The following KLHL5 variants were observed in gnomAD, a reference collection of about 807,000 sequenced individuals.
KLHL5 encodes kelch like family member 5, also known as kelch-like protein 5.
KLHL5 carries 48 observed loss-of-function variants against 77.7 expected under a neutral mutation model. That is an observed-to-expected ratio of 0.62 (90% CI 0.49 to 0.79). The LOEUF is 0.79. KLHL5 is among the 30% of genes least tolerant of loss of function. The probability of loss-of-function intolerance (pLI) is 0.00; values close to 1 mark genes in which losing one functional copy is unlikely to be tolerated. For synonymous variants in KLHL5, 260 were observed against 297.0 expected (o/e 0.88, Z 1.28); for missense variants, 723 against 859.7 (o/e 0.84, Z 1.99).
chr4:39,077,355 G>A (rs112390026), intron 2 of KLHL5, among the ~76,000 whole-genome samples: 48 of 151,898 alleles, frequency 3.2e-4, no homozygotes, highest in South Asian at 4.2e-4. Context: ...CCAGCTACTC[G>A]GGAGGCTGAG....
chr4:39,072,127 G>A (rs889615244), intron 1 of KLHL5, among the ~76,000 whole-genome samples: 2 of 151,914 alleles, frequency 1.3e-5, no homozygotes, highest in East Asian at 3.9e-4. Context: ...TATAAAAAAT[G>A]ATGATGCCAG....
intron 5 of KLHL5, among the ~76,000 whole-genome samples, chr4:39,088,968 A>G (rs1720289835): frequency 6.6e-6 from 1 of 152,210 alleles, no homozygotes; most frequent in African/African-American, 2.4e-5. Flanking sequence ...TAGTTATGCC[A>G]AGGAGTTTGA....
At chr4:39,135,320 G>A in the KLHL5 span, 2 of 152,326 alleles carry the variant, frequency 1.3e-5, no homozygotes, top group Non-Finnish European at 2.9e-5. Flanking sequence ...GGAAATCCAC[G>A]GAGCTTGGGA....
At chr4:39,077,717 CAAA>C (rs1719208158) in intron 2 of KLHL5, among the ~76,000 whole-genome samples, 5 of 138,166 alleles carry the variant, frequency 3.6e-5, no homozygotes, top group Non-Finnish European at 6.3e-5. Context: ...AAACAAAAAA[CAAA>C]CAAACAAAAA....
At chr4:39,140,931 A>C in the KLHL5 span, among the ~76,000 whole-genome samples, 1 of 152,234 alleles carries the variant, frequency 6.6e-6, no homozygotes, top group Non-Finnish European at 1.5e-5. Flanking sequence ...AGATAAGAGA[A>C]AGTGAATGAA....
At chr4:39,092,891 G>T (rs79806180) in intron 5 of KLHL5, among the ~76,000 whole-genome samples, 1 of 152,116 alleles carries the variant, frequency 6.6e-6, no homozygotes, top group African/African-American at 2.4e-5. Flanking sequence ...AGGAACCCTC[G>T]TACAGTGCTG....
At chr4:39,087,482 T>A (rs1577693122) in intron 5 of KLHL5, among the ~76,000 whole-genome samples, 1 of 152,126 alleles carries the variant, frequency 6.6e-6, no homozygotes, top group Non-Finnish European at 1.5e-5. Context: ...CACAGCTGAG[T>A]TTCTTCATCT....
At chr4:39,113,374 C>T (rs1577741170) in intron 9 of KLHL5, 142 bp downstream of exon 9, 3 of 648,556 alleles carry the variant, frequency 4.6e-6, no homozygotes, top group East Asian at 5.5e-5. Context: ...TTATAACAGC[C>T]TGCTCTCACA....
intron 1 of KLHL5, among the ~76,000 whole-genome samples, chr4:39,070,538 A>G (rs1718378701): frequency 1.3e-5 from 2 of 152,148 alleles, no homozygotes; most frequent in Admixed American, 6.6e-5. Context: ...CAAAATCCCA[A>G]GGGGTTTTCA....
intron 1 of KLHL5, among the ~76,000 whole-genome samples, chr4:39,071,981 A>G (rs1381658321): frequency 2.0e-5 from 3 of 152,228 alleles, no homozygotes; most frequent in Non-Finnish European, 4.4e-5. Flanking sequence ...TGTTATGTAA[A>G]AGATCAAGTA....
At chr4:39,101,126 T>TATATATATATATATATATATA in intron 6 of KLHL5, among the ~76,000 whole-genome samples, 1 of 134,848 alleles carries the variant, frequency 7.4e-6, no homozygotes, top group Non-Finnish European at 1.6e-5. Flanking sequence ...TATTTGGATT[T>TATATATATATATATATATATA]TATATATATA....
At chr4:39,130,060 G>A (rs555032924), downstream of KLHL5, among the ~76,000 whole-genome samples, 126 of 152,230 alleles carry the variant, frequency 8.3e-4, no homozygotes, top group African/African-American at 2.8e-3. Flanking sequence ...TAGCTCGGTC[G>A]GGGAGACCCT....
chr4:39,108,959 T>A (rs1722243154), intron 8 of KLHL5, among the ~76,000 whole-genome samples: 1 of 152,208 alleles, frequency 6.6e-6, no homozygotes, highest in Admixed American at 6.5e-5. Flanking sequence ...CTTACTTACT[T>A]ACCTTTTCTT....
intron 10 of KLHL5, 116 bp from the exon 11 acceptor site, chr4:39,120,894 C>A: frequency 3.9e-6 from 3 of 774,954 alleles, no homozygotes; most frequent in African/African-American, 1.7e-5. Flanking sequence ...ACAGCAGGGG[C>A]CAGGGCAACA....
chr4:39,093,363 A>T (rs140936619), intron 5 of KLHL5: 535 of 455,070 alleles, frequency 1.2e-3, no homozygotes, highest in African/African-American at 9.0e-3. Context: ...TCAACAGTAA[A>T]TGGGCATGTG....
At chr4:39,136,637 A>G in the KLHL5 span, among the ~76,000 whole-genome samples, 1 of 152,186 alleles carries the variant, frequency 6.6e-6, no homozygotes, top group Admixed American at 6.5e-5. Context: ...CCATCAGAGT[A>G]AGGACAGCGT....
downstream of KLHL5, among the ~76,000 whole-genome samples, chr4:39,126,234 C>T (rs897426009): frequency 6.6e-6 from 1 of 152,086 alleles, no homozygotes; most frequent in Non-Finnish European, 1.5e-5. Flanking sequence ...TTCACTGTGA[C>T]TAGATAATAC....
chr4:39,070,129 G>A (rs897814129), intron 1 of KLHL5, among the ~76,000 whole-genome samples: 7 of 152,116 alleles, frequency 4.6e-5, no homozygotes, highest in Non-Finnish European at 1.0e-4. Context: ...GATTGGTCTT[G>A]TTTGGGTCCT....
chr4:39,075,971 C>T lies in KLHL5; in HGVS notation c.390C>T (p.Ser130=), dbSNP rs1321683079. The T allele has an allele frequency of 6.2e-7, 1 of 1,604,386 alleles. No individual in the cohort carries two copies. Among genetic ancestry groups the T allele is most frequent in the Admixed American group, 1.7e-5 (1 of 57,938 alleles). Residue 130 remains serine (S), a synonymous_variant, in exon 2 of 11, where the codon TCC becomes TCT. Transcript: ENST00000504108. ...TGTTTTTTTTTCTTTTCAGGACTTC[C>T]AATAGTAGTCAGACATTATCATCCT... The part of the protein sequence containing the change: ...NESDSSSCRT[S]NSSQTLSSCH...
Sources: allele counts gnomAD v4.1 joint callset (sites outside exome capture counted in the v4.1 genomes callset), GRCh38; gene constraint gnomAD v4.1.1; transcripts MANE v1.5; gene names NCBI Gene and HGNC (gene_info 2026-07-23, HGNC 2026-07-21).